The following AKAP19 variants were observed in gnomAD, a reference collection of about 807,000 sequenced individuals.
AKAP19 encodes the protein A-kinase anchoring protein 19, also known as small A-kinase anchoring protein.
chr2:190,054,543 C>G, the AKAP19 span, among the ~76,000 whole-genome samples: 1 of 152,126 alleles, frequency 6.6e-6, no homozygotes, highest in South Asian at 2.1e-4. Flanking sequence ...TCAGAGTGAC[C>G]AGGCAACCTA....
the AKAP19 span, among the ~76,000 whole-genome samples, chr2:190,024,389 T>TATATATAC: frequency 1.3e-5 from 2 of 150,808 alleles, no homozygotes; most frequent in Non-Finnish European, 3.0e-5. Context: ...TGTATATATA[T>TATATATAC]ATATATACAT....
the AKAP19 span, among the ~76,000 whole-genome samples, chr2:190,083,712 G>C: frequency 1.3e-5 from 2 of 152,150 alleles, no homozygotes; most frequent in Non-Finnish European, 2.9e-5. Flanking sequence ...TATTTGCAGC[G>C]ACAGTCAGTC....
At chr2:190,198,454 A>G in the AKAP19 span, among the ~76,000 whole-genome samples, 12 of 152,020 alleles carry the variant, frequency 7.9e-5, no homozygotes, top group African/African-American at 2.7e-4. Flanking sequence ...CAGCCTGGGC[A>G]AAATGGCAAA....
At chr2:189,916,472 C>A in the AKAP19 span, among the ~76,000 whole-genome samples, 1 of 151,938 alleles carries the variant, frequency 6.6e-6, no homozygotes, top group African/African-American at 2.4e-5. Context: ...CAGGCATGCA[C>A]CACCATGCCC....
chr2:190,008,741 C>T, the AKAP19 span, among the ~76,000 whole-genome samples: 1 of 72,728 alleles, frequency 1.4e-5, no homozygotes, highest in Non-Finnish European at 2.9e-5. Context: ...CACACACACA[C>T]ACACACACAC....
At chr2:189,976,789 T>C in the AKAP19 span, among the ~76,000 whole-genome samples, 1 of 152,226 alleles carries the variant, frequency 6.6e-6, no homozygotes, top group Non-Finnish European at 1.5e-5. Flanking sequence ...GTGCGGAATA[T>C]AATCTCCTGG....
the AKAP19 span, among the ~76,000 whole-genome samples, chr2:190,105,355 C>T: frequency 6.6e-6 from 1 of 152,298 alleles, no homozygotes; most frequent in Admixed American, 6.5e-5. Context: ...ACCATAATTA[C>T]TGGCTGATTG....
the AKAP19 span, among the ~76,000 whole-genome samples, chr2:190,157,367 T>A: frequency 6.7e-6 from 1 of 150,204 alleles, no homozygotes; most frequent in Non-Finnish European, 1.5e-5. Context: ...TAAACTTGTA[T>A]ACACACACAC....
At chr2:190,004,478 CTAT>C in the AKAP19 span, among the ~76,000 whole-genome samples, 15 of 151,144 alleles carry the variant, frequency 9.9e-5, no homozygotes, top group Admixed American at 3.3e-4. Flanking sequence ...ACCTTATCAC[CTAT>C]TATTATTCTC....
the AKAP19 span, among the ~76,000 whole-genome samples, chr2:190,051,324 C>T: frequency 5.3e-5 from 8 of 152,254 alleles, no homozygotes; most frequent in African/African-American, 1.9e-4. Context: ...GGGCCAAATA[C>T]ACTAACCAGG....
the AKAP19 span, among the ~76,000 whole-genome samples, chr2:190,068,745 A>G: frequency 6.6e-6 from 1 of 152,200 alleles, no homozygotes; most frequent in Non-Finnish European, 1.5e-5. Flanking sequence ...GTATTTATAG[A>G]CTTTCTAAGT....
At chr2:190,003,861 T>C in the AKAP19 span, among the ~76,000 whole-genome samples, 1 of 148,062 alleles carries the variant, frequency 6.8e-6, no homozygotes, top group South Asian at 2.1e-4. Context: ...AGTGAGACTC[T>C]GTATAAAGAG....
At chr2:190,106,429 G>A in the AKAP19 span, among the ~76,000 whole-genome samples, 1 of 152,120 alleles carries the variant, frequency 6.6e-6, no homozygotes, top group Admixed American at 6.5e-5. Context: ...TTATGTGGAA[G>A]TACTCAGGCT....
the AKAP19 span, among the ~76,000 whole-genome samples, chr2:189,961,921 A>G: frequency 5.9e-5 from 9 of 152,088 alleles, no homozygotes; most frequent in Non-Finnish European, 1.3e-4. Flanking sequence ...CAAAAAAAAA[A>G]AAAAGTATCA....
At chr2:189,978,703 C>T in the AKAP19 span, among the ~76,000 whole-genome samples, 4 of 152,314 alleles carry the variant, frequency 2.6e-5, no homozygotes, top group Non-Finnish European at 4.4e-5. Flanking sequence ...CCTTCAACTA[C>T]ATCCATGTTG....
the AKAP19 span, among the ~76,000 whole-genome samples, chr2:189,928,707 A>G: frequency 6.6e-6 from 1 of 152,176 alleles, no homozygotes; most frequent in African/African-American, 2.4e-5. Context: ...TCAAATCTTT[A>G]CAAAGTACTT....
chr2:189,917,950 G>A, the AKAP19 span, among the ~76,000 whole-genome samples: 1 of 151,792 alleles, frequency 6.6e-6, no homozygotes, highest in South Asian at 2.1e-4. Flanking sequence ...TATCTTTAGT[G>A]TTTTTAAATA....
the AKAP19 span, among the ~76,000 whole-genome samples, chr2:190,102,393 A>C: frequency 6.6e-6 from 1 of 152,270 alleles, no homozygotes; most frequent in African/African-American, 2.4e-5. Flanking sequence ...GAATCAATGA[A>C]ATCAAAAGTT....
the AKAP19 span, chr2:190,200,867 T>C: frequency 6.0e-6 from 1 of 167,002 alleles, no homozygotes; most frequent in Non-Finnish European, 1.5e-5. Flanking sequence ...AGAAAACAAG[T>C]AGGGGTACCT....
Sources: gnomAD v4.1 joint callset for allele counts (sites outside exome capture counted in the v4.1 genomes callset) on GRCh38, gnomAD v4.1.1 for gene constraint, MANE v1.5 for transcripts, NCBI Gene and HGNC (gene_info 2026-07-23, HGNC 2026-07-21) for gene names.